The following EIPR1 variants were observed in gnomAD, a reference collection of about 807,000 sequenced individuals.
EIPR1 encodes EARP complex and GARP complex interacting protein 1, also known as EARP and GARP complex-interacting protein 1.
A neutral mutation model predicts 48.1 loss-of-function variants in EIPR1; 25 were observed. The observed-to-expected ratio is 0.52, with a 90% CI of 0.38 to 0.73. The LOEUF (loss-of-function observed/expected upper bound fraction) is 0.73. EIPR1 is among the 30% of genes least tolerant of loss of function. The pLI is 0.00. For missense variants in EIPR1, 415 were observed against 506.2 expected, an observed-to-expected ratio of 0.82 and a Z score of 1.73; for synonymous variants, 204 against 201.9, an observed-to-expected ratio of 1.01 and a Z score of -0.09.
In EIPR1 at chr2:3,237,872, A is replaced by G. The variant is rs537122746; in HGVS notation, c.416+19427T>C. On this transcript the variant is annotated intron_variant, in intron 4 of 8. Transcript: ENST00000382125. ...GCCCGCACACGGCTGCTGTTCAATA[A>G]GCCCTCGCTGTTATCAGACGCGAAG... 4.1e-4 allele frequency among the ~76,000 whole-genome samples: 62 copies of G among 152,300 alleles called. No homozygotes were observed. In the South Asian group the frequency reaches 0.013, roughly 32 times the overall value.
In EIPR1 at chr2:3,192,594, A is replaced by G; in HGVS notation, c.822-13T>C. The G allele has an allele frequency of 1.2e-6, 2 of 1,607,734 alleles. No homozygotes were observed. Among genetic ancestry groups the G allele is most frequent in the Non-Finnish European group, 1.7e-6 (2 of 1,177,966 alleles). ...GACGTTCCACACCCTGCAAAGGGCA[A>G]GGCAGCTGCTGAAATGAACTGTCAC... is the stretch of plus-strand genomic sequence containing the variant. On this transcript the variant is annotated splice_polypyrimidine_tract_variant and intron_variant, in intron 7 of 8. Coordinates refer to ENST00000382125, the MANE Select transcript of EIPR1 (RefSeq NM_003310.5).
At chr2:3,337,179 C>T (rs537300536) in intron 3 of EIPR1, among the ~76,000 whole-genome samples, 27 of 152,142 alleles carry the variant, frequency 1.8e-4, no homozygotes, top group South Asian at 8.3e-4. Context: ...ACACAGAACC[C>T]GGTGAAAGTG....
chr2:3,347,421 G>A (rs1670434140), intron 2 of EIPR1, among the ~76,000 whole-genome samples: 1 of 152,138 alleles, frequency 6.6e-6, no homozygotes, highest in South Asian at 2.1e-4. Flanking sequence ...GAGATCTGAT[G>A]GTTTTATAAG....
chr2:3,216,755 T>TG (rs922672254), intron 4 of EIPR1, among the ~76,000 whole-genome samples: 21 of 152,236 alleles, frequency 1.4e-4, no homozygotes, highest in African/African-American at 5.1e-4. Context: ...TGGCAACCTT[T>TG]GGGGCACACA....
chr2:3,208,739 G>A (rs1665324974), intron 5 of EIPR1: 1 of 1,547,698 alleles, frequency 6.5e-7, no homozygotes, highest in Non-Finnish European at 8.7e-7. Flanking sequence ...CTCGTGGCGG[G>A]TCCTTCTGTG....
chr2:3,364,201 T>TA (rs1442835339), intron 1 of EIPR1, among the ~76,000 whole-genome samples: 2 of 152,162 alleles, frequency 1.3e-5, no homozygotes, highest in Admixed American at 1.3e-4. Context: ...GTTGAAGAGA[T>TA]ACCTGCACCC....
At chr2:3,205,221 A>G (rs995265242) in intron 5 of EIPR1, among the ~76,000 whole-genome samples, 1 of 152,102 alleles carries the variant, frequency 6.6e-6, no homozygotes, top group Non-Finnish European at 1.5e-5. Context: ...TTCCCATCCC[A>G]TCCTCAGGGA....
intron 5 of EIPR1, among the ~76,000 whole-genome samples, chr2:3,207,558 T>C (rs1260225736): frequency 6.6e-6 from 1 of 152,220 alleles, no homozygotes; most frequent in Non-Finnish European, 1.5e-5. Flanking sequence ...TCCAGCAGCA[T>C]GTCACAGTTC....
intron 3 of EIPR1, among the ~76,000 whole-genome samples, chr2:3,336,092 A>C (rs1392913353): frequency 6.6e-6 from 1 of 152,186 alleles, no homozygotes; most frequent in Non-Finnish European, 1.5e-5. Flanking sequence ...AGCACCTCAC[A>C]GATCCTCAGG....
At chr2:3,318,402 T>A (rs1027602961) in intron 3 of EIPR1, among the ~76,000 whole-genome samples, 3 of 152,206 alleles carry the variant, frequency 2.0e-5, no homozygotes, top group Non-Finnish European at 4.4e-5. Context: ...ATTTCACATC[T>A]TCATTAGTGA....
intron 3 of EIPR1, among the ~76,000 whole-genome samples, chr2:3,333,311 C>T (rs1669953488): frequency 6.6e-6 from 1 of 152,196 alleles, no homozygotes; most frequent in South Asian, 2.1e-4. Context: ...AATGTAAACG[C>T]TGTTGCTTCT....
At chr2:3,229,621 C>A (rs572518429) in intron 4 of EIPR1, among the ~76,000 whole-genome samples, 1 of 152,206 alleles carries the variant, frequency 6.6e-6, no homozygotes, top group Non-Finnish European at 1.5e-5. Context: ...TTCAGTTCAA[C>A]GTGATAGATC....
At chr2:3,213,167 A>G (rs1397057819) in intron 5 of EIPR1, among the ~76,000 whole-genome samples, 2 of 152,202 alleles carry the variant, frequency 1.3e-5, no homozygotes, top group African/African-American at 4.8e-5. Flanking sequence ...TGCTTGCGCA[A>G]TCGCTTTGAC....
intron 3 of EIPR1, chr2:3,318,849 G>C (rs761536392): frequency 4.2e-6 from 2 of 471,046 alleles, no homozygotes; most frequent in Non-Finnish European, 8.8e-6. Flanking sequence ...AAACACCTTT[G>C]AGCTCACCTG....
chr2:3,235,057 T>C (rs984462709), intron 4 of EIPR1, among the ~76,000 whole-genome samples: 2 of 152,256 alleles, frequency 1.3e-5, no homozygotes, highest in African/African-American at 4.8e-5. Flanking sequence ...TAAGTCTGTG[T>C]GTGTTTTCCA....
At chr2:3,234,701 C>T (rs1220983093) in intron 4 of EIPR1, among the ~76,000 whole-genome samples, 1 of 152,280 alleles carries the variant, frequency 6.6e-6, no homozygotes, top group Non-Finnish European at 1.5e-5. Flanking sequence ...TTACAAGCGG[C>T]AGCATTCACA....
At chr2:3,341,738 G>T (rs1023688452) in intron 2 of EIPR1, among the ~76,000 whole-genome samples, 1 of 152,016 alleles carries the variant, frequency 6.6e-6, no homozygotes, top group Non-Finnish European at 1.5e-5. Flanking sequence ...GGTGTGTGGG[G>T]GGTACGTGGG....
chr2:3,270,473 C>T (rs899737439), intron 3 of EIPR1, among the ~76,000 whole-genome samples: 2 of 152,140 alleles, frequency 1.3e-5, no homozygotes, highest in Admixed American at 1.3e-4. Flanking sequence ...GATGAAATCC[C>T]CTCTTTCTGA....
chr2:3,286,284 G>A lies in EIPR1; in HGVS notation c.260-28829C>T, dbSNP rs547576579. ...AACCCAGGGTGATTCGACAACTGCC[G>A]TCACCGTGCCTGCCTGTGTATGACG... On this transcript the variant is annotated intron_variant, in intron 3 of 8. Transcript: ENST00000382125. The surrounding 1 kb of genome is among the most constrained non-coding windows in gnomAD (Gnocchi z 4.2). 2.6e-5 allele frequency among the ~76,000 whole-genome samples: 4 copies of A among 152,192 alleles called. No individual in the cohort carries two copies. Among genetic ancestry groups the A allele is most frequent in the Admixed American group, 6.5e-5 (1 of 15,286 alleles).
Sources: allele counts gnomAD v4.1 joint callset (sites outside exome capture counted in the v4.1 genomes callset), GRCh38; gene constraint gnomAD v4.1.1; non-coding constraint Gnocchi (gnomAD v3.1); transcripts MANE v1.5; gene names NCBI Gene and HGNC (gene_info 2026-07-23, HGNC 2026-07-21).